The following MOBP variants were observed in gnomAD, a reference collection of about 807,000 sequenced individuals.
MOBP encodes the protein myelin-associated oligodendrocyte basic protein.
MOBP carries 5 observed loss-of-function variants against 15.0 expected under a neutral mutation model. That is an observed-to-expected ratio of 0.33 (90% CI 0.17 to 0.70). The LOEUF (loss-of-function observed/expected upper bound fraction) is 0.70. MOBP is among the 30% of genes least tolerant of loss of function. The pLI, the probability that MOBP is intolerant of heterozygous loss-of-function variation, is 0.67. For missense variants in MOBP, 188 were observed against 257.8 expected (o/e 0.73, Z 1.85); for synonymous variants, 88 against 99.0 (o/e 0.89, Z 0.66).
At chr3:39,475,464 A>T (rs1409128325) in intron 1 of MOBP, among the ~76,000 whole-genome samples, 1 of 152,206 alleles carries the variant, frequency 6.6e-6, no homozygotes, top group Non-Finnish European at 1.5e-5. Flanking sequence ...AGCATCCATT[A>T]GTCAATGATG....
At chr3:39,517,598 T>A (rs1447836348), downstream of MOBP, 1 of 152,238 alleles carries the variant, frequency 6.6e-6, no homozygotes, top group Non-Finnish European at 1.5e-5. Context: ...CAAATATTGA[T>A]AGAATCCTTG....
At chr3:39,498,848 G>T (rs1437897536) in intron 2 of MOBP, among the ~76,000 whole-genome samples, 5 of 152,264 alleles carry the variant, frequency 3.3e-5, no homozygotes, top group Admixed American at 2.0e-4. Flanking sequence ...TGAAGTGCTG[G>T]GGGAAGAAAT....
chr3:39,483,611 A>G (rs2042657472), intron 2 of MOBP, among the ~76,000 whole-genome samples: 1 of 152,250 alleles, frequency 6.6e-6, no homozygotes, highest in South Asian at 2.1e-4. Flanking sequence ...CTATAAAACA[A>G]TACAATTTGG....
rs1022639635 is a variant in MOBP at position 39,512,089 on chromosome 3, A to G, written c.*-1294A>G. Among the ~76,000 whole-genome samples, 4 of 152,344 alleles carry G rather than the reference A, an allele frequency of 2.6e-5. No homozygotes were observed. The East Asian group carries it at 7.7e-4, about 29-fold the overall frequency. On this transcript the variant is annotated intron_variant, in intron 4 of 4. Transcript: ENST00000311042. ...ATTGTGTCACTTAACCCTATCTACT[A>G]GCATATTATCTCCAACTCAATTGCC...
chr3:39,520,678 T>G (rs1279541318), downstream of MOBP, among the ~76,000 whole-genome samples: 1 of 152,146 alleles, frequency 6.6e-6, no homozygotes, highest in East Asian at 1.9e-4. Context: ...TTTCTACCGC[T>G]TCTTGTGTTT....
chr3:39,524,622 G>A (rs541057162), exon 5 of MOBP: 1 of 152,250 alleles, frequency 6.6e-6, no homozygotes, highest in South Asian at 2.1e-4. Context: ...ACACCTTTGG[G>A]TTGCAATCTG....
chr3:39,527,689 C>G (rs2043338344), downstream of MOBP: 1 of 152,182 alleles, frequency 6.6e-6, no homozygotes, highest in South Asian at 2.1e-4. Context: ...GAACCCCTGA[C>G]CTCAGGTGAT....
chr3:39,513,286 C>G, intron 4 of MOBP: 1 of 1,133,638 alleles, frequency 8.8e-7, no homozygotes, highest in Non-Finnish European at 1.3e-6. Context: ...AAGGTAGTCT[C>G]AAAATCCACA....
At chr3:39,515,273 G>A (rs2043186255) in exon 5 of MOBP, 1 of 152,302 alleles carries the variant, frequency 6.6e-6, no homozygotes, top group South Asian at 2.1e-4. Flanking sequence ...GGGAGAAGAG[G>A]GGTTGGAGTG....
intron 4 of MOBP, among the ~76,000 whole-genome samples, chr3:39,512,925 C>T (rs1288800642): frequency 4.6e-5 from 7 of 152,172 alleles, no homozygotes; most frequent in African/African-American, 1.2e-4. Flanking sequence ...TGTTTATCTC[C>T]TTCTTGAACA....
At chr3:39,527,565 C>G (rs576113551), downstream of MOBP, 4 of 151,402 alleles carry the variant, frequency 2.6e-5, no homozygotes, top group African/African-American at 7.3e-5. Context: ...TCAAATGATT[C>G]TCCTGCCTCA....
Position 39,471,721 on chromosome 3 carries a change from T to C in MOBP, c.-89+3981T>C, listed in dbSNP as rs932451280. Among the ~76,000 whole-genome samples the C allele has an allele frequency of 2.0e-5, 3 of 152,174 alleles. No individual in the cohort carries two copies. In the East Asian group the frequency reaches 5.8e-4, roughly 29 times the overall value. ...TGCCGGCATGCCCCTCCTGCACTTG[T>C]TTCCATTCAGCTCTGCATTACCTGC... On this transcript the variant is annotated intron_variant, in intron 1 of 3. Coordinates refer to ENST00000684792, the MANE Select transcript of MOBP (RefSeq NM_001393704.1).
At chr3:39,480,579 G>A (rs1479783833) in intron 2 of MOBP, among the ~76,000 whole-genome samples, 1 of 152,164 alleles carries the variant, frequency 6.6e-6, no homozygotes, top group Admixed American at 6.5e-5. Context: ...AGGTTTGAGA[G>A]GGGGGTCAGT....
At chr3:39,526,896 C>A (rs1162427352), downstream of MOBP, 1 of 151,684 alleles carries the variant, frequency 6.6e-6, no homozygotes, top group Non-Finnish European at 1.5e-5. Flanking sequence ...CCTGCCTCAG[C>A]CTCCCAAGTA....
downstream of MOBP, among the ~76,000 whole-genome samples, chr3:39,505,338 T>C (rs2043034120): frequency 6.6e-6 from 1 of 152,198 alleles, no homozygotes; most frequent in Non-Finnish European, 1.5e-5. Flanking sequence ...TTTTATATTA[T>C]TAAATTGAGC....
chr3:39,498,979 CCTT>C (rs1373076384), intron 2 of MOBP, among the ~76,000 whole-genome samples: 2 of 152,124 alleles, frequency 1.3e-5, no homozygotes, highest in Non-Finnish European at 2.9e-5. Context: ...CTTCAAATCT[CCTT>C]CTTATCACAT....
exon 5 of MOBP, chr3:39,524,737 G>A (rs1013195115): frequency 1.2e-4 from 18 of 152,146 alleles, no homozygotes; most frequent in Admixed American, 5.9e-4. Flanking sequence ...GTAGGTACAC[G>A]TAAATCTGTT....
At chr3:39,513,537 C>G in exon 5 of MOBP, 1 of 1,088,768 alleles carries the variant, frequency 9.2e-7, no homozygotes, top group Non-Finnish European at 1.4e-6. Context: ...GGGCAAACAC[C>G]TGCTGATGTG....
chr3:39,505,827 T>G (rs953942917), downstream of MOBP, among the ~76,000 whole-genome samples: 5 of 152,200 alleles, frequency 3.3e-5, no homozygotes, highest in Non-Finnish European at 7.4e-5. Flanking sequence ...CTGCATTGGT[T>G]TTCCAGCTGC....
Sources: gnomAD v4.1 joint callset for allele counts (sites outside exome capture counted in the v4.1 genomes callset) on GRCh38, gnomAD v4.1.1 for gene constraint, MANE v1.5 for transcripts, NCBI Gene and HGNC (gene_info 2026-07-23, HGNC 2026-07-21) for gene names.